The following PIN1 variants were observed in gnomAD, a reference collection of about 807,000 sequenced individuals.
PIN1 encodes peptidyl-prolyl cis-trans isomerase NIMA-interacting 1.
PIN1 carries 8 observed loss-of-function variants against 19.9 expected under a neutral mutation model. The observed-to-expected ratio is 0.40, with a 90% CI of 0.24 to 0.72. The LOEUF is 0.72. PIN1 is among the 30% of genes least tolerant of loss of function. PIN1 has a pLI of 0.37. For synonymous variants in PIN1, 86 were observed against 90.8 expected, an observed-to-expected ratio of 0.95 and a Z score of 0.30; for missense variants, 185 against 226.5, an observed-to-expected ratio of 0.82 and a Z score of 1.18.
intron 1 of PIN1, chr19:9,837,634 GT>G (rs2046122641): frequency 6.5e-6 from 1 of 154,950 alleles, no homozygotes; most frequent in Non-Finnish European, 1.4e-5. Flanking sequence ...GCTAATGTTG[GT>G]TTGTTTGTTT....
At chr19:9,847,581 C>T (rs531955675) in intron 2 of PIN1, among the ~76,000 whole-genome samples, 1 of 152,342 alleles carries the variant, frequency 6.6e-6, no homozygotes, top group East Asian at 1.9e-4. Context: ...ACAGCTCTCC[C>T]ACCTCTGCCC....
intron 2 of PIN1, among the ~76,000 whole-genome samples, chr19:9,844,611 G>A (rs2046201085): frequency 6.6e-6 from 1 of 152,224 alleles, no homozygotes; most frequent in Non-Finnish European, 1.5e-5. Flanking sequence ...CTGTGTCTGT[G>A]TGGTTCTAAG....
chr19:9,843,933 C>T (rs1292566847), intron 2 of PIN1, among the ~76,000 whole-genome samples: 1 of 152,094 alleles, frequency 6.6e-6, no homozygotes, highest in Admixed American at 6.6e-5. Flanking sequence ...ACCTGTGATC[C>T]CAGCTACTCA....
rs1599454476 is a variant in PIN1 at position 9,846,302 on chromosome 19, C to T, written c.272-1728C>T. ...AGGGCCAAGGATAGGGAGAGCAGAG[C>T]AGTAGAGGCTGCGTCATCCCTGGGA... On this transcript the variant is annotated intron_variant, in intron 2 of 3. Transcript: ENST00000247970. This position sits in a 1 kb window ranked among gnomAD's most constrained non-coding sequence, Gnocchi z 5.9. 6.6e-6 allele frequency among the ~76,000 whole-genome samples: 1 copy of T among 152,192 alleles called. No homozygotes were observed. Among genetic ancestry groups the T allele is most frequent in the Admixed American group, 6.5e-5 (1 of 15,284 alleles).
Position 9,849,187 on chromosome 19 carries a change from C to T in PIN1, c.480C>T (p.Leu160=). 1 of 1,609,948 alleles carries T rather than the reference C, an allele frequency of 6.2e-7. No homozygotes were observed. The highest frequency in any genetic ancestry group is 1.1e-5 in the South Asian group (1 of 90,710). Residue 160 remains leucine, a synonymous_variant, in exon 4 of 4, where the codon CTC becomes CTT. Coordinates refer to ENST00000247970, the MANE Select transcript of PIN1 (RefSeq NM_006221.4). ...CGGATTCCGGCATCCACATCATCCT[C>T]CGCACTGAGTGAGGGTGGGGAGCCC... ...VFTDSGIHII[L]RTE
intron 3 of PIN1, chr19:9,848,688 G>C (rs1017484107): frequency 7.1e-6 from 2 of 282,996 alleles, no homozygotes; most frequent in Non-Finnish European, 1.4e-5. Context: ...GCAGGGTGTG[G>C]TGTGCAGGTG....
intron 1 of PIN1, chr19:9,835,865 C>T (rs2046098078): frequency 6.1e-6 from 1 of 164,592 alleles, no homozygotes; most frequent in South Asian, 1.9e-4. Context: ...TGCGACATCG[C>T]CCGTGACATT....
chr19:9,847,870 G>A (rs537914125), intron 2 of PIN1, among the ~76,000 whole-genome samples, 160 bp from the exon 3 acceptor site: 9 of 152,184 alleles, frequency 5.9e-5, no homozygotes, highest in Non-Finnish European at 1.2e-4. Flanking sequence ...GCAGGTATGT[G>A]TGAGGAGAGG....
chr19:9,848,076 G>A lies in PIN1; in HGVS notation c.318G>A (p.Leu106=), dbSNP rs778487364. The A allele has an allele frequency of 2.4e-5, 38 of 1,613,434 alleles. No homozygotes were observed. Among genetic ancestry groups the A allele is most frequent in the Non-Finnish European group, 2.5e-5 (29 of 1,179,552 alleles). ...IKSGEEDFES[L]ASQFSDCSSA... ...CGGGAGAGGAGGACTTTGAGTCTCT[G>A]GCCTCACAGTTCAGCGACTGCAGCT... is the stretch of plus-strand genomic sequence containing the variant. The change falls in exon 3 of 4, where the codon CTG becomes CTA. Residue 106 remains leucine, a synonymous_variant. Coordinates refer to ENST00000247970, the MANE Select transcript of PIN1 (RefSeq NM_006221.4).
Position 9,838,725 on chromosome 19 carries a change from T to C in PIN1, c.271+77T>C. ...CTTTGTAGAAGTCACATCAGACCCT[T>C]CACCCCAGCTTGCTCAGCTGCCAGG... On this transcript the variant is annotated intron_variant, in intron 2 of 3. Transcript: ENST00000247970. This position sits in a 1 kb window ranked among gnomAD's most constrained non-coding sequence, Gnocchi z 5.8. The C allele has an allele frequency of 8.3e-7, 1 of 1,210,690 alleles. No homozygotes were observed. Among genetic ancestry groups the C allele is most frequent in the Non-Finnish European group, 1.2e-6 (1 of 863,784 alleles). 75.0% of individuals were successfully genotyped at this position (1,210,690 alleles called of 1,614,324 possible).
intron 2 of PIN1, among the ~76,000 whole-genome samples, chr19:9,843,943 A>G (rs2046193807): frequency 6.6e-6 from 1 of 152,104 alleles, no homozygotes; most frequent in South Asian, 2.1e-4. Flanking sequence ...CCAGCTACTC[A>G]GGAGGCTGAG....
Position 9,838,997 on chromosome 19 carries a change from A to T in PIN1, c.271+349A>T, listed in dbSNP as rs62105746. On this transcript the variant is annotated intron_variant, in intron 2 of 3. Transcript: ENST00000247970. The surrounding 1 kb of genome is among the most constrained non-coding windows in gnomAD (Gnocchi z 5.8). ...TCTGTAAAATGGGCATCCTCTAAGG[A>T]CCATTGTGAAGGTTCAAGGGAATAA... is the stretch of plus-strand genomic sequence containing the variant. Among the ~76,000 whole-genome samples, 19,202 of 152,118 alleles carry T rather than the reference A, an allele frequency of 0.13. 1,313 individuals carry two copies. The highest frequency in any genetic ancestry group is 0.18 in the Middle Eastern group (53 of 294).
At position 9,835,679 on chromosome 19, in the gene PIN1, C is replaced by A. The variant is rs888757983; in HGVS notation, c.58+277C>A. On this transcript the variant is annotated intron_variant, in intron 1 of 3. Transcript: ENST00000247970. Reference sequence around the variant, plus strand: ...CTGGCCCTGCCGGCCCGGCTGATACCTCTCGGCCTAATGCACCTGACACCC... The same window carrying A: ...CTGGCCCTGCCGGCCCGGCTGATACATCTCGGCCTAATGCACCTGACACCC... The A allele has an allele frequency of 6.6e-6, 3 of 454,024 alleles. 1 individual carries two copies. In the East Asian group the frequency reaches 1.1e-4, roughly 17 times the overall value. The allele number at this position is 454,024 out of a possible 1,614,324, so 28.1% of individuals were successfully genotyped here.
chr19:9,836,954 T>A (rs2046113379), intron 1 of PIN1: 3 of 783,368 alleles, frequency 3.8e-6, no homozygotes, highest in Non-Finnish European at 5.7e-6. Context: ...GTTTCTGTCC[T>A]AGGCATTTTG....
Position 9,838,575 on chromosome 19 carries a change from G to A in PIN1, c.198G>A (p.Gln66=), listed in dbSNP as rs1470051673. The change falls in exon 2 of 4, where the codon CAG becomes CAA. Residue 66 remains glutamine (Q), a synonymous_variant. Transcript: ENST00000247970. The surrounding 1 kb of genome is among the most constrained non-coding windows in gnomAD (Gnocchi z 5.8). ...CGCACCTGCTGGTGAAGCACAGCCA[G>A]TCACGGCGGCCCTCGTCCTGGCGGC... ...RCSHLLVKHS[Q]SRRPSSWRQE... 6.4e-7 allele frequency: 1 copy of A among 1,569,584 alleles called. No individual in the cohort carries two copies. Among genetic ancestry groups the A allele is most frequent in the African/African-American group, 1.3e-5 (1 of 74,480 alleles).
intron 3 of PIN1, 40 bp from the exon 4 acceptor site, chr19:9,849,050 G>T: frequency 7.1e-7 from 1 of 1,400,332 alleles, no homozygotes; most frequent in Non-Finnish European, 1.0e-6. Context: ...GCCTCTGCCA[G>T]CCCAGCCCTG....
intron 2 of PIN1, among the ~76,000 whole-genome samples, chr19:9,843,638 G>A (rs189482439): frequency 1.3e-5 from 2 of 152,284 alleles, no homozygotes; most frequent in East Asian, 3.9e-4. Flanking sequence ...TGTTCCTGGC[G>A]AGAACCCACT....
At chr19:9,844,058 A>G (rs2145415360) in intron 2 of PIN1, among the ~76,000 whole-genome samples, 1 of 152,240 alleles carries the variant, frequency 6.6e-6, no homozygotes, top group African/African-American at 2.4e-5. Flanking sequence ...TCAAAAAAAA[A>G]AGGGGCGCTA....
intron 2 of PIN1, among the ~76,000 whole-genome samples, chr19:9,843,360 G>A (rs2046187508): frequency 6.6e-6 from 1 of 152,260 alleles, no homozygotes. Context: ...CCCCGACCAG[G>A]CCCCTTCCCC....
Sources: gnomAD v4.1 joint callset for allele counts (sites outside exome capture counted in the v4.1 genomes callset) on GRCh38, gnomAD v4.1.1 for gene constraint, Gnocchi (gnomAD v3.1) non-coding constraint, MANE v1.5 for transcripts, NCBI Gene and HGNC (gene_info 2026-07-23, HGNC 2026-07-21) for gene names.